WNK3: variants seen among roughly 807,000 people sequenced by gnomAD.
WNK3 encodes WNK lysine deficient protein kinase 3.
In WNK3, 18 loss-of-function variants were observed where a neutral mutation model predicts 116.7. The observed-to-expected ratio is 0.15, with a 90% CI of 0.11 to 0.23. WNK3 has a LOEUF of 0.23. Among genes scored for constraint, WNK3 ranks in the 10% least tolerant of loss-of-function variants. WNK3 has a pLI of 1.00. For synonymous variants in WNK3, 404 were observed against 469.4 expected, an observed-to-expected ratio of 0.86 and a Z score of 1.80; for missense variants, 993 against 1,323.8, an observed-to-expected ratio of 0.75 and a Z score of 3.88.
At chrX:54,345,432 A>AT (rs1298474566) in intron 1 of WNK3, among the ~76,000 whole-genome samples, 1 of 110,882 alleles carries the variant, frequency 9.0e-6, no homozygotes, top group East Asian at 2.8e-4. Flanking sequence ...GGAATGAACT[A>AT]TTACCAAAGT....
At chrX:54,293,948 G>C (rs2068669067) in intron 8 of WNK3, among the ~76,000 whole-genome samples, 1 of 112,008 alleles carries the variant, frequency 8.9e-6, no homozygotes, top group Non-Finnish European at 1.9e-5. Flanking sequence ...AGGCTGAGGC[G>C]GGTAGATGGC....
At chrX:54,322,838 T>G (rs868924263) in intron 2 of WNK3, among the ~76,000 whole-genome samples, 25 of 111,722 alleles carry the variant, frequency 2.2e-4, no homozygotes, top group African/African-American at 8.1e-4. Context: ...TGATACCTGC[T>G]ATTACTAACT....
In WNK3 at chrX:54,292,827, G is replaced by T. The variant is rs1352103559; in HGVS notation, c.2037+61C>A. On this transcript the variant is annotated intron_variant, in intron 10 of 23. Transcript: ENST00000354646. ...TATAAAAGAGAACTTTTGCCTGTCA[G>T]AAAATCTAGGCAGTGTTTAATTTGT... 5 of 1,097,631 alleles carry T rather than the reference G, an allele frequency of 4.6e-6. No homozygotes were observed. In the African/African-American group the frequency reaches 7.6e-5, roughly 17 times the overall value. 90.5% of individuals were successfully genotyped at this position (1,097,631 alleles called of 1,213,427 possible).
chrX:54,246,706 T>G (rs1026221615), intron 17 of WNK3, among the ~76,000 whole-genome samples: 3 of 112,148 alleles, frequency 2.7e-5, no homozygotes, highest in Non-Finnish European at 5.6e-5. Context: ...ACTAATCACA[T>G]GTGGCTGTCT....
exon 20 of WNK3, chrX:54,237,535 T>C (rs1557150537): frequency 8.6e-7 from 1 of 1,164,832 alleles, no homozygotes; most frequent in South Asian, 2.0e-5. Flanking sequence ...TGACTGCTGC[T>C]GAGGAATTGT....
chrX:54,269,406 A>C (rs1303463744), intron 10 of WNK3, among the ~76,000 whole-genome samples: 3 of 111,657 alleles, frequency 2.7e-5, no homozygotes, highest in African/African-American at 9.8e-5. Context: ...AAACAGCTAA[A>C]ATTTAAACAA....
intron 22 of WNK3, among the ~76,000 whole-genome samples, chrX:54,224,831 A>C (rs1213284687): frequency 9.0e-6 from 1 of 110,839 alleles, no homozygotes; most frequent in South Asian, 3.9e-4. Context: ...GGCCTCCCAA[A>C]GTGCTGGGAT....
At chrX:54,302,699 T>TTC (rs782673409) in intron 5 of WNK3, among the ~76,000 whole-genome samples, 1,133 of 23,143 alleles carry the variant, frequency 0.049, 26 homozygotes, top group Non-Finnish European at 0.054. Context: ...AACATTCCAA[T>TTC]TCTCTCTCTC....
At chrX:54,291,068 C>CT (rs1197669235) in intron 10 of WNK3, among the ~76,000 whole-genome samples, 10 of 111,510 alleles carry the variant, frequency 9.0e-5, no homozygotes, top group Non-Finnish European at 1.9e-5. Context: ...AATCCCAGCA[C>CT]TTTGGGAGGC....
chrX:54,312,137 T>G (rs1248204370), intron 2 of WNK3, among the ~76,000 whole-genome samples: 1 of 109,791 alleles, frequency 9.1e-6, no homozygotes, highest in Non-Finnish European at 1.9e-5. Context: ...GCTAACATAG[T>G]GAGACCCCCG....
intron 1 of WNK3, among the ~76,000 whole-genome samples, chrX:54,341,759 A>G (rs1445831370): frequency 7.2e-5 from 8 of 111,704 alleles, no homozygotes; most frequent in African/African-American, 2.6e-4. Flanking sequence ...AACTACAGAA[A>G]CAGAAAATAG....
At chrX:54,227,642 C>T (rs1422605858) in intron 22 of WNK3, among the ~76,000 whole-genome samples, 1 of 111,785 alleles carries the variant, frequency 8.9e-6, no homozygotes, top group Admixed American at 9.5e-5. Flanking sequence ...TTCATAGCAG[C>T]ATTATTCATA....
Position 54,311,309 on chromosome X carries a change from G to A in WNK3, c.538-18C>T, listed in dbSNP as rs1358467285. ...TTTCGGTCCTGAAAAGGAATAACAA[G>A]TTCCAAAATAAAGTCATGAAAATTC... On this transcript the variant is annotated intron_variant, in intron 2 of 23. Coordinates refer to ENST00000354646, the Ensembl canonical transcript of WNK3. 2.6e-6 allele frequency: 3 copies of A among 1,176,056 alleles called. No individual in the cohort carries two copies. The highest frequency in any genetic ancestry group is 2.4e-5 in the Admixed American group (1 of 41,706).
chrX:54,329,429 C>T (rs1339829200), intron 2 of WNK3, among the ~76,000 whole-genome samples: 1 of 111,121 alleles, frequency 9.0e-6, no homozygotes, highest in African/African-American at 3.3e-5. Context: ...ACCTGAGGTC[C>T]GGAGTTCAAG....
chrX:54,207,386 T>A (rs2067564690), intron 22 of WNK3, among the ~76,000 whole-genome samples: 1 of 111,698 alleles, frequency 9.0e-6, no homozygotes, highest in Non-Finnish European at 1.9e-5. Flanking sequence ...CCCAACTATT[T>A]GAAAGTTACA....
chrX:54,231,797 T>G (rs2067901160), intron 21 of WNK3, among the ~76,000 whole-genome samples: 1 of 110,908 alleles, frequency 9.0e-6, no homozygotes, highest in South Asian at 3.8e-4. Context: ...TCGGGGGGAA[T>G]TATTCTGCCT....
chrX:54,268,085 C>CACACACACAA (rs2068336495), intron 10 of WNK3, among the ~76,000 whole-genome samples: 2 of 72,568 alleles, frequency 2.8e-5, no homozygotes, highest in Non-Finnish European at 5.4e-5. Flanking sequence ...TGCGTGCACA[C>CACACACACAA]ACACACACAC....
exon 24 of WNK3, chrX:54,198,489 C>T (rs1557140796): frequency 2.5e-6 from 3 of 1,210,129 alleles, no homozygotes; most frequent in Non-Finnish European, 3.4e-6. Context: ...ACCCCGCCCC[C>T]GCCACAGCAT....
exon 2 of WNK3, chrX:54,333,323 T>C (rs781989663): frequency 1.7e-6 from 2 of 1,210,801 alleles, no homozygotes; most frequent in Non-Finnish European, 2.2e-6. Context: ...AACAATCTTT[T>C]GAGATTTCTG....
Sources: allele counts gnomAD v4.1 joint callset (sites outside exome capture counted in the v4.1 genomes callset), GRCh38; gene constraint gnomAD v4.1.1; transcripts MANE v1.5; gene names NCBI Gene and HGNC (gene_info 2026-07-23, HGNC 2026-07-21).